Variants in DRC4 observed in about 807,000 individuals in gnomAD.
DRC4 encodes GAS-11.
At chr16:90,021,739 C>A in the DRC4 span, among the ~76,000 whole-genome samples, 1 of 151,666 alleles carries the variant, frequency 6.6e-6, no homozygotes, top group Admixed American at 6.6e-5. Flanking sequence ...TATGGTGTCT[C>A]ACACCTGTAG....
At chr16:90,038,736 ACATCT>A in the DRC4 span, among the ~76,000 whole-genome samples, 2 of 152,116 alleles carry the variant, frequency 1.3e-5, no homozygotes, top group African/African-American at 4.8e-5. Flanking sequence ...TGGGTGGAAA[ACATCT>A]CATTTCGTGG....
the DRC4 span, chr16:90,037,740 C>A: frequency 6.2e-7 from 1 of 1,607,178 alleles, no homozygotes; most frequent in Non-Finnish European, 8.5e-7. Context: ...TTTCTGTCCC[C>A]TACTCCCTGT....
the DRC4 span, among the ~76,000 whole-genome samples, chr16:90,038,996 C>T: frequency 1.3e-5 from 2 of 152,210 alleles, no homozygotes; most frequent in African/African-American, 2.4e-5. Flanking sequence ...TAGTGGGATT[C>T]GCTTCTCAGA....
chr16:90,041,472 G>A, the DRC4 span, among the ~76,000 whole-genome samples: 3 of 152,166 alleles, frequency 2.0e-5, no homozygotes, highest in Non-Finnish European at 2.9e-5. Context: ...CCACATCTGG[G>A]CGGGGCCAGC....
the DRC4 span, among the ~76,000 whole-genome samples, chr16:90,034,809 G>A: frequency 1.3e-5 from 2 of 149,182 alleles, no homozygotes; most frequent in African/African-American, 2.5e-5. Flanking sequence ...CTGCAGCCTC[G>A]AACTTCTAGT....
At chr16:90,023,778 G>A in the DRC4 span, among the ~76,000 whole-genome samples, 24 of 150,876 alleles carry the variant, frequency 1.6e-4, 1 homozygote, top group African/African-American at 4.4e-4. Context: ...CGGATCATGA[G>A]GTCAGGAGAT....
the DRC4 span, among the ~76,000 whole-genome samples, chr16:90,032,383 C>T: frequency 8.4e-4 from 122 of 145,838 alleles, no homozygotes; most frequent in African/African-American, 2.9e-3. Context: ...CAGGTGTGTA[C>T]GGGTACGGAC....
the DRC4 span, chr16:90,029,735 C>T: frequency 1.0e-5 from 2 of 196,496 alleles, no homozygotes; most frequent in East Asian, 1.8e-4. Context: ...AAAAGGCTCA[C>T]AGTAAGTGGC....
chr16:90,033,268 T>C, the DRC4 span, among the ~76,000 whole-genome samples: 2 of 152,190 alleles, frequency 1.3e-5, no homozygotes, highest in Non-Finnish European at 2.9e-5. Context: ...AAACCAACCA[T>C]TAAAATATCC....
At chr16:90,036,264 T>C in the DRC4 span, 2 of 883,900 alleles carry the variant, frequency 2.3e-6, no homozygotes, top group Non-Finnish European at 1.8e-6. Flanking sequence ...AGCTTTTGCC[T>C]GCAAGGCTGT....
the DRC4 span, chr16:90,042,492 G>T: frequency 6.2e-7 from 1 of 1,613,836 alleles, no homozygotes; most frequent in Admixed American, 1.7e-5. Flanking sequence ...TCGAAGAACA[G>T]CACCATCAAG....
At chr16:90,043,303 A>T in the DRC4 span, 14 of 1,612,720 alleles carry the variant, frequency 8.7e-6, no homozygotes, top group East Asian at 3.1e-4. Flanking sequence ...TCGGACAGAC[A>T]CTGGGCCAGG....
the DRC4 span, among the ~76,000 whole-genome samples, chr16:90,024,856 AACAGCAAACACT>A: frequency 6.6e-6 from 1 of 152,098 alleles, no homozygotes; most frequent in African/African-American, 2.4e-5. Context: ...CAGCAAACAC[AACAGCAAACACT>A]AAACACAACC....
chr16:90,022,653 GA>G, the DRC4 span: 1 of 1,406,434 alleles, frequency 7.1e-7, no homozygotes, highest in Non-Finnish European at 9.3e-7. Context: ...CGGTTGCCGG[GA>G]AACGGCGTGG....
At chr16:90,030,307 G>A in the DRC4 span, among the ~76,000 whole-genome samples, 1 of 151,900 alleles carries the variant, frequency 6.6e-6, no homozygotes, top group Non-Finnish European at 1.5e-5. Flanking sequence ...ATTTCTCCTA[G>A]TTGATATACT....
the DRC4 span, chr16:90,032,655 C>T: frequency 2.7e-6 from 4 of 1,508,830 alleles, no homozygotes; most frequent in African/African-American, 5.5e-5. Flanking sequence ...CAGGTGTGCA[C>T]AGGTACGGAA....
chr16:90,042,840 A>G, the DRC4 span: 2 of 504,838 alleles, frequency 4.0e-6, no homozygotes, highest in Non-Finnish European at 7.2e-6. Flanking sequence ...CCACCGGGGA[A>G]GGAAACAGAC....
At chr16:90,036,480 G>T in the DRC4 span, 1 of 1,613,830 alleles carries the variant, frequency 6.2e-7, no homozygotes, top group Non-Finnish European at 8.5e-7. Context: ...AGGAAGAATG[G>T]CCAGATCCAC....
At chr16:90,043,251 C>G in the DRC4 span, 1 of 1,613,682 alleles carries the variant, frequency 6.2e-7, no homozygotes, top group Admixed American at 1.7e-5. Context: ...TTCGGGATCC[C>G]TCTGGACAAC....
Sources: allele counts gnomAD v4.1 joint callset (sites outside exome capture counted in the v4.1 genomes callset), GRCh38; gene constraint gnomAD v4.1.1; transcripts MANE v1.5; gene names NCBI Gene and HGNC (gene_info 2026-07-23, HGNC 2026-07-21).